BLTP3A: variants seen among roughly 807,000 people sequenced by gnomAD.
The protein encoded by BLTP3A is ICBP90 binding protein 1.
chr6:34,866,587 A>T, the BLTP3A span, among the ~76,000 whole-genome samples: 2 of 152,190 alleles, frequency 1.3e-5, no homozygotes, highest in East Asian at 1.9e-4. Flanking sequence ...GGTAAAATAC[A>T]TATGAAATTT....
chr6:34,868,504 C>G, the BLTP3A span, among the ~76,000 whole-genome samples: 1 of 151,810 alleles, frequency 6.6e-6, no homozygotes, highest in South Asian at 2.1e-4. Context: ...TGGTGGATCA[C>G]TTGAGGTCAG....
chr6:34,841,347 G>A, the BLTP3A span, among the ~76,000 whole-genome samples: 5 of 152,062 alleles, frequency 3.3e-5, no homozygotes, highest in East Asian at 9.6e-4. Flanking sequence ...GGGATTACAG[G>A]CGTGAGCCAC....
the BLTP3A span, chr6:34,864,289 T>C: frequency 1.6e-5 from 20 of 1,245,640 alleles, no homozygotes; most frequent in African/African-American, 1.8e-4. Context: ...AAAGAGGAGC[T>C]GAGAGATGAT....
the BLTP3A span, chr6:34,858,580 C>G: frequency 6.2e-7 from 1 of 1,614,188 alleles, no homozygotes; most frequent in Non-Finnish European, 8.5e-7. Flanking sequence ...GGCACGGAAG[C>G]TTCTTTTGGC....
At chr6:34,856,649 G>T in the BLTP3A span, 6 of 1,183,738 alleles carry the variant, frequency 5.1e-6, no homozygotes, top group Non-Finnish European at 7.0e-6. Flanking sequence ...TATCATTTTT[G>T]AGTTCATCCA....
the BLTP3A span, among the ~76,000 whole-genome samples, chr6:34,842,951 G>C: frequency 6.6e-6 from 1 of 151,992 alleles, no homozygotes; most frequent in African/African-American, 2.4e-5. Context: ...TTTGAACTTT[G>C]AGTATTAAAT....
chr6:34,857,951 G>A, the BLTP3A span: 4 of 1,599,706 alleles, frequency 2.5e-6, no homozygotes, highest in Non-Finnish European at 3.4e-6. Context: ...TCCCCTGTTA[G>A]TAGCCACAGC....
chr6:34,816,020 C>T, the BLTP3A span, among the ~76,000 whole-genome samples: 2 of 152,156 alleles, frequency 1.3e-5, no homozygotes, highest in African/African-American at 4.8e-5. Flanking sequence ...ATGCATTGCC[C>T]TAAAAACTGG....
the BLTP3A span, among the ~76,000 whole-genome samples, chr6:34,831,608 A>G: frequency 6.6e-6 from 1 of 152,206 alleles, no homozygotes; most frequent in South Asian, 2.1e-4. Context: ...TTGGCTTTTA[A>G]CATTTGAATC....
the BLTP3A span, among the ~76,000 whole-genome samples, chr6:34,815,707 A>G: frequency 6.6e-6 from 1 of 151,914 alleles, no homozygotes; most frequent in Non-Finnish European, 1.5e-5. Context: ...CAGTGGTGCA[A>G]ACTTGGCTCA....
chr6:34,847,050 G>A, the BLTP3A span, among the ~76,000 whole-genome samples: 6 of 152,258 alleles, frequency 3.9e-5, no homozygotes, highest in South Asian at 8.3e-4. Context: ...TCTGTGATAT[G>A]TTGTATCTTA....
chr6:34,796,854 G>A, the BLTP3A span, among the ~76,000 whole-genome samples: 12 of 152,244 alleles, frequency 7.9e-5, no homozygotes, highest in Non-Finnish European at 1.0e-4. Context: ...GCAGGTGCAC[G>A]CCACCACGCC....
At chr6:34,858,674 C>T in the BLTP3A span, 24 of 1,614,190 alleles carry the variant, frequency 1.5e-5, no homozygotes, top group South Asian at 5.5e-5. Context: ...ATGTCCCATC[C>T]GCGGTCAAAG....
the BLTP3A span, chr6:34,876,983 T>C: frequency 6.6e-6 from 1 of 152,520 alleles, no homozygotes; most frequent in Non-Finnish European, 1.5e-5. Flanking sequence ...CTGTGACTTC[T>C]AAAAAAAATT....
the BLTP3A span, among the ~76,000 whole-genome samples, chr6:34,810,568 T>C: frequency 1.3e-5 from 2 of 152,156 alleles, no homozygotes; most frequent in African/African-American, 2.4e-5. Context: ...TTGCAACCTT[T>C]ACTGATACTC....
chr6:34,870,292 C>T, the BLTP3A span, among the ~76,000 whole-genome samples: 1 of 152,136 alleles, frequency 6.6e-6, no homozygotes, highest in Non-Finnish European at 1.5e-5. Context: ...TTAGGGTAGG[C>T]ACAACTTCAC....
chr6:34,828,158 A>T, the BLTP3A span, among the ~76,000 whole-genome samples: 1 of 152,026 alleles, frequency 6.6e-6, no homozygotes, highest in East Asian at 1.9e-4. Context: ...TTAAAAATAT[A>T]TCCTGGAAAG....
chr6:34,824,512 C>T, the BLTP3A span, among the ~76,000 whole-genome samples: 2 of 146,016 alleles, frequency 1.4e-5, no homozygotes, highest in Admixed American at 6.9e-5. Flanking sequence ...GAGCCGAGAT[C>T]GCGCCATTGC....
the BLTP3A span, among the ~76,000 whole-genome samples, chr6:34,803,355 A>G: frequency 2.6e-5 from 4 of 151,838 alleles, no homozygotes; most frequent in Non-Finnish European, 5.9e-5. Flanking sequence ...CTTTTTCCCT[A>G]CTATATGTCT....
Sources: gnomAD v4.1 joint callset for allele counts (sites outside exome capture counted in the v4.1 genomes callset) on GRCh38, gnomAD v4.1.1 for gene constraint, MANE v1.5 for transcripts, NCBI Gene and HGNC (gene_info 2026-07-23, HGNC 2026-07-21) for gene names.